ATRNL1: variants seen among roughly 807,000 people sequenced by gnomAD.
The protein encoded by ATRNL1 is attractin-like protein 1.
A neutral mutation model predicts 182.7 loss-of-function variants in ATRNL1; 95 were observed. The ratio of observed to expected loss-of-function variants is 0.52; its 90% CI spans 0.44 to 0.62. ATRNL1 has a LOEUF of 0.62. Among genes scored for constraint, ATRNL1 ranks in the 20% least tolerant of loss-of-function variants. ATRNL1 has a pLI of 0.00. For synonymous variants in ATRNL1, 576 were observed against 568.3 expected, an observed-to-expected ratio of 1.01 and a Z score of -0.19; for missense variants, 1,471 against 1,679.5, an observed-to-expected ratio of 0.88 and a Z score of 2.17.
intron 24 of ATRNL1, among the ~76,000 whole-genome samples, chr10:115,489,398 T>G (rs1361584301): frequency 6.6e-6 from 1 of 152,200 alleles, no homozygotes; most frequent in Non-Finnish European, 1.5e-5. Context: ...GCTTTATGAA[T>G]CTGGGTGCTC....
At chr10:115,517,963 C>T (rs1303104324) in intron 24 of ATRNL1, among the ~76,000 whole-genome samples, 1 of 151,808 alleles carries the variant, frequency 6.6e-6, no homozygotes, top group Non-Finnish European at 1.5e-5. Flanking sequence ...TATCTTTCTT[C>T]AGCCTTTGTA....
At chr10:115,449,123 T>G (rs949343422) in intron 21 of ATRNL1, among the ~76,000 whole-genome samples, 53 of 152,172 alleles carry the variant, frequency 3.5e-4, no homozygotes, top group African/African-American at 1.2e-3. Context: ...GAAATTTCTA[T>G]CACCATATTT....
rs1448005436 is a variant in ATRNL1 at position 115,621,305 on chromosome 10, AGAGAGAGAGT to A, written c.3795+71771_3795+71780del. ...GAGAGAGAGAGAGAGAGAGAGAGAGAGAGAGAGAGTGTGTGAGTGAGTCAGCATCTTACTT... is the reference window on the plus strand; with the variant it reads ...GAGAGAGAGAGAGAGAGAGAGAGAGAGTGTGAGTGAGTCAGCATCTTACTT... On this transcript the variant is annotated intron_variant, in intron 26 of 28. Transcript: ENST00000355044. 3.1e-3 allele frequency among the ~76,000 whole-genome samples: 423 copies of A among 137,484 alleles called. 13 individuals are homozygous for A. Among genetic ancestry groups the A allele is most frequent in the African/African-American group, 6.4e-3 (231 of 35,902 alleles). The allele number at this position is 137,484 out of a possible 152,430, so 90.2% of individuals were successfully genotyped here. A position where few individuals can be genotyped will look rare whatever the true frequency, so the allele number is the denominator to read the frequency against.
At chr10:115,299,100 A>C (rs999835878) in intron 15 of ATRNL1, among the ~76,000 whole-genome samples, 1 of 151,848 alleles carries the variant, frequency 6.6e-6, no homozygotes, top group East Asian at 1.9e-4. Flanking sequence ...AAAAAAGAAC[A>C]ATGTGGAGTT....
intron 21 of ATRNL1, among the ~76,000 whole-genome samples, chr10:115,457,708 T>C (rs1255123251): frequency 6.6e-6 from 1 of 152,058 alleles, no homozygotes; most frequent in Admixed American, 6.6e-5. Flanking sequence ...CGCCACCACA[T>C]GTCCCTCCCT....
At chr10:115,934,142 G>A (rs1231871074) in intron 28 of ATRNL1, among the ~76,000 whole-genome samples, 3 of 152,080 alleles carry the variant, frequency 2.0e-5, no homozygotes, top group East Asian at 1.9e-4. Flanking sequence ...AAGTGTCATC[G>A]GTCTGAGGCC....
At chr10:115,716,004 G>A (rs191864485) in intron 26 of ATRNL1, among the ~76,000 whole-genome samples, 12 of 152,230 alleles carry the variant, frequency 7.9e-5, no homozygotes, top group East Asian at 3.9e-4. Context: ...TAAGAAAGCC[G>A]ATTTATATCA....
At chr10:115,622,390 C>G (rs1555023249) in intron 26 of ATRNL1, among the ~76,000 whole-genome samples, 1 of 152,190 alleles carries the variant, frequency 6.6e-6, no homozygotes, top group African/African-American at 2.4e-5. Flanking sequence ...GCTAGCTATC[C>G]TGTAACTCAT....
intron 20 of ATRNL1, among the ~76,000 whole-genome samples, chr10:115,410,756 CAG>C (rs1464350992): frequency 3.3e-5 from 5 of 152,056 alleles, no homozygotes; most frequent in African/African-American, 1.2e-4. Flanking sequence ...TTTTCAGAGA[CAG>C]AGTCTCACTC....
chr10:115,469,206 T>C lies in ATRNL1; in HGVS notation c.3531T>C (p.Val1177=). The part of the protein sequence containing the change: ...GTISGEETSI[V]SKNNIKEYRD... ...TATCTGGGGAAGAGACTTCTATAGT[T>C]TCCAAGAATAATATAAAGGAATACA... The change falls in exon 24 of 29, where the codon GTT becomes GTC. Residue 1177 remains valine, a synonymous_variant. Transcript: ENST00000355044. 7.3e-7 allele frequency: 1 copy of C among 1,371,322 alleles called. No homozygotes were observed. Among genetic ancestry groups the C allele is most frequent in the Non-Finnish European group, 9.7e-7 (1 of 1,027,046 alleles). 84.9% of individuals were successfully genotyped at this position (1,371,322 alleles called of 1,614,324 possible). A position where few individuals can be genotyped will look rare whatever the true frequency, so the allele number is the denominator to read the frequency against.
chr10:115,399,860 G>A (rs563230410), intron 20 of ATRNL1, among the ~76,000 whole-genome samples: 22 of 151,966 alleles, frequency 1.4e-4, no homozygotes, highest in South Asian at 1.2e-3. Context: ...AGGCAATGCC[G>A]TTTAGGACAT....
intron 27 of ATRNL1, among the ~76,000 whole-genome samples, chr10:115,765,424 T>C (rs1051696493): frequency 6.6e-6 from 1 of 152,192 alleles, no homozygotes; most frequent in African/African-American, 2.4e-5. Flanking sequence ...CTACAGAACA[T>C]CATCTCATAT....
chr10:115,344,156 C>G (rs868928921), intron 19 of ATRNL1, among the ~76,000 whole-genome samples: 8 of 152,206 alleles, frequency 5.3e-5, no homozygotes, highest in Middle Eastern at 3.4e-3. Flanking sequence ...CGCCTAAAGT[C>G]CTGGGGCTCT....
intron 8 of ATRNL1, among the ~76,000 whole-genome samples, chr10:115,179,861 C>T (rs894195751): frequency 3.9e-5 from 6 of 152,000 alleles, no homozygotes; most frequent in Non-Finnish European, 5.9e-5. Context: ...TGCATTTTCT[C>T]TTAATGTGAA....
chr10:115,750,816 T>C (rs546059726), intron 27 of ATRNL1, among the ~76,000 whole-genome samples: 1 of 152,042 alleles, frequency 6.6e-6, no homozygotes, highest in African/African-American at 2.4e-5. Context: ...CCAAAGATAG[T>C]TTGCATAACA....
intron 27 of ATRNL1, among the ~76,000 whole-genome samples, chr10:115,780,833 A>G (rs1420996700): frequency 6.6e-6 from 1 of 152,134 alleles, no homozygotes; most frequent in African/African-American, 2.4e-5. Flanking sequence ...GTAGAATGCT[A>G]TAGGCTTTGA....
rs1554951674 is a variant in ATRNL1, at chr10:115,383,126, T to TTC, written c.3176-11525_3176-11524dup. ...TTTTTGTTTGTTTTTCTTTTTTTTT[T>TTC]TCTCTCTCTACTGGTCTTTTTCCTT... On this transcript the variant is annotated intron_variant, in intron 19 of 28. Transcript: ENST00000355044. Among the ~76,000 whole-genome samples the TTC allele has an allele frequency of 2.4e-4, 37 of 151,824 alleles. No homozygotes were observed. In the East Asian group the frequency reaches 3.7e-3, roughly 15 times the overall value.
intron 26 of ATRNL1, among the ~76,000 whole-genome samples, chr10:115,608,035 G>T (rs1007386431): frequency 6.6e-6 from 1 of 151,988 alleles, no homozygotes; most frequent in Non-Finnish European, 1.5e-5. Context: ...CATTTTATCG[G>T]TTAAATAGGA....
At chr10:115,503,875 C>T (rs527615085) in intron 24 of ATRNL1, among the ~76,000 whole-genome samples, 5 of 151,640 alleles carry the variant, frequency 3.3e-5, no homozygotes, top group African/African-American at 1.2e-4. Flanking sequence ...AGCTTTTTTA[C>T]CAAAAAACCC....
Sources: allele counts gnomAD v4.1 joint callset (sites outside exome capture counted in the v4.1 genomes callset), GRCh38; gene constraint gnomAD v4.1.1; transcripts MANE v1.5; gene names NCBI Gene and HGNC (gene_info 2026-07-23, HGNC 2026-07-21).